CACNG2: variants seen among roughly 807,000 people sequenced by gnomAD.
The protein encoded by CACNG2 is calcium voltage-gated channel auxiliary subunit gamma 2, also known as voltage-dependent calcium channel gamma-2 subunit.
In CACNG2, 3 loss-of-function variants were observed where a neutral mutation model predicts 25.9. That is an observed-to-expected ratio of 0.12 (90% CI 0.05 to 0.30). The LOEUF (loss-of-function observed/expected upper bound fraction) is 0.30. Ranked by LOEUF, CACNG2 falls within the 10% of genes least tolerant of loss-of-function variation. CACNG2 has a pLI of 1.00. For synonymous variants in CACNG2, 167 were observed against 173.3 expected (o/e 0.96, Z 0.29); for missense variants, 341 against 432.5 (o/e 0.79, Z 1.88).
chr22:36,626,878 T>C (rs1936192543), intron 1 of CACNG2, among the ~76,000 whole-genome samples: 1 of 152,204 alleles, frequency 6.6e-6, no homozygotes, highest in Non-Finnish European at 1.5e-5. Flanking sequence ...TAGTATGGGG[T>C]GACAGGCATT....
At position 36,702,613 on chromosome 22, in the gene CACNG2, T is replaced by C; in HGVS notation, c.-37A>G. The C allele has an allele frequency of 6.4e-7, 1 of 1,563,058 alleles. No homozygotes were observed. Among genetic ancestry groups the C allele is most frequent in the Non-Finnish European group, 8.8e-7 (1 of 1,133,616 alleles). On this transcript the variant is annotated 5_prime_UTR_variant, in exon 1 of 4. Transcript: ENST00000300105. ...ATATAAACACCCAACCGACTTCTGG[T>C]TCTCGGGAGAGTGTGTGTGAGGGTG...
chr22:36,607,448 G>T (rs1192237137), intron 1 of CACNG2, among the ~76,000 whole-genome samples: 1 of 152,088 alleles, frequency 6.6e-6, no homozygotes, highest in African/African-American at 2.4e-5. Context: ...TAGAGACAGG[G>T]TTTCATCACG....
chr22:36,652,737 C>T (rs1436878935), intron 1 of CACNG2, among the ~76,000 whole-genome samples: 1 of 152,122 alleles, frequency 6.6e-6, no homozygotes, highest in Non-Finnish European at 1.5e-5. Flanking sequence ...AAGCCACCAC[C>T]AAGCACATAA....
intron 1 of CACNG2, among the ~76,000 whole-genome samples, chr22:36,679,197 C>CCTTCCTTCCTTT (rs1491420417): frequency 3.5e-3 from 191 of 54,700 alleles, no homozygotes; most frequent in African/African-American, 7.0e-3. Flanking sequence ...TTCCTTCCTT[C>CCTTCCTTCCTTT]CTTTCTTTCT....
chr22:36,589,954 A>C (rs1935561291), intron 1 of CACNG2, among the ~76,000 whole-genome samples: 1 of 152,192 alleles, frequency 6.6e-6, no homozygotes, highest in Admixed American at 6.5e-5. Context: ...CTTTCAATTC[A>C]ATCTGACAAA....
At chr22:36,668,784 T>G (rs1025706611) in intron 1 of CACNG2, among the ~76,000 whole-genome samples, 1 of 152,004 alleles carries the variant, frequency 6.6e-6, no homozygotes, top group African/African-American at 2.4e-5. Context: ...GGTGGGAGCT[T>G]ACACCACCGG....
At chr22:36,683,526 G>A (rs1423972885) in intron 1 of CACNG2, among the ~76,000 whole-genome samples, 4 of 152,036 alleles carry the variant, frequency 2.6e-5, no homozygotes, top group Non-Finnish European at 5.9e-5. Flanking sequence ...AATCCTTTTT[G>A]TCATTATTGT....
intron 1 of CACNG2, among the ~76,000 whole-genome samples, chr22:36,682,024 G>A (rs76895117): frequency 0.011 from 1,642 of 152,330 alleles, 17 homozygotes; most frequent in South Asian, 0.043. Context: ...CAGCCGTCAG[G>A]AGACTCTGAG....
At chr22:36,630,802 G>A (rs997021253) in intron 1 of CACNG2, among the ~76,000 whole-genome samples, 2 of 152,088 alleles carry the variant, frequency 1.3e-5, no homozygotes, top group African/African-American at 4.8e-5. Context: ...TGAGTAAGGC[G>A]GGATGGAGAG....
chr22:36,695,886 C>T (rs1234544458), intron 1 of CACNG2, among the ~76,000 whole-genome samples: 2 of 152,148 alleles, frequency 1.3e-5, no homozygotes, highest in African/African-American at 4.8e-5. Flanking sequence ...TGGCGCTTTA[C>T]AGGGGCTCAT....
chr22:36,587,385 G>A (rs998235973), intron 2 of CACNG2, 80 bp downstream of exon 2: 2 of 1,027,184 alleles, frequency 1.9e-6, no homozygotes, highest in Non-Finnish European at 1.6e-6. Context: ...CTCTAGGTAG[G>A]CCTGGTCCTT....
chr22:36,587,324 C>T, intron 2 of CACNG2, 141 bp downstream of exon 2: 2 of 741,582 alleles, frequency 2.7e-6, no homozygotes, highest in Non-Finnish European at 5.0e-6. Flanking sequence ...GGTCTGTACT[C>T]CGGAAAGGAG....
intron 2 of CACNG2, among the ~76,000 whole-genome samples, chr22:36,570,762 CAAAAAAAAAA>C (rs11445356): frequency 4.7e-5 from 3 of 64,158 alleles, no homozygotes; most frequent in African/African-American, 1.0e-4. Flanking sequence ...GACTCCATCT[CAAAAAAAAAA>C]AAAAAAAAAA....
At chr22:36,608,557 G>C (rs1011791602) in intron 1 of CACNG2, among the ~76,000 whole-genome samples, 5 of 152,184 alleles carry the variant, frequency 3.3e-5, no homozygotes, top group African/African-American at 1.2e-4. Flanking sequence ...CCTTGGGTAG[G>C]TTCTATTAAT....
intron 1 of CACNG2, among the ~76,000 whole-genome samples, chr22:36,657,905 C>T (rs1936731464): frequency 6.6e-6 from 1 of 152,000 alleles, no homozygotes; most frequent in African/African-American, 2.4e-5. Flanking sequence ...AAGAAAATCT[C>T]CGTTCACTCC....
chr22:36,631,778 G>A (rs960821229), intron 1 of CACNG2, among the ~76,000 whole-genome samples: 2 of 147,226 alleles, frequency 1.4e-5, no homozygotes, highest in Non-Finnish European at 3.0e-5. Context: ...TTTGGGTTGT[G>A]TTTTCTTACC....
At chr22:36,648,761 ATCT>A (rs1181390694) in intron 1 of CACNG2, among the ~76,000 whole-genome samples, 2 of 152,080 alleles carry the variant, frequency 1.3e-5, no homozygotes, top group African/African-American at 2.4e-5. Flanking sequence ...GAACCTGGGA[ATCT>A]TCTTTGCTTT....
intron 1 of CACNG2, among the ~76,000 whole-genome samples, chr22:36,635,592 T>C (rs1423284586): frequency 6.6e-6 from 1 of 152,164 alleles, no homozygotes; most frequent in Non-Finnish European, 1.5e-5. Flanking sequence ...CAGGAAACTG[T>C]AGCTTCAGTT....
intron 1 of CACNG2, among the ~76,000 whole-genome samples, chr22:36,609,952 A>T (rs1013067372): frequency 6.6e-6 from 1 of 151,006 alleles, no homozygotes. Flanking sequence ...GGCAGGAATC[A>T]GCCCCCCAGA....
Sources: allele counts gnomAD v4.1 joint callset (sites outside exome capture counted in the v4.1 genomes callset), GRCh38; gene constraint gnomAD v4.1.1; transcripts MANE v1.5; gene names NCBI Gene and HGNC (gene_info 2026-07-23, HGNC 2026-07-21).